The following PSMA1 variants were observed in gnomAD, a reference collection of about 807,000 sequenced individuals.
The protein encoded by PSMA1 is proteasome subunit alpha type-1.
A neutral mutation model predicts 38.4 loss-of-function variants in PSMA1; 3 were observed. The ratio of observed to expected loss-of-function variants is 0.08; its 90% CI spans 0.04 to 0.20. The LOEUF (loss-of-function observed/expected upper bound fraction) is 0.20, where lower values mean the gene tolerates loss of function less well. Among genes scored for constraint, PSMA1 ranks in the 10% least tolerant of loss-of-function variants. The pLI is 1.00. For missense variants in PSMA1, 227 were observed against 325.3 expected (o/e 0.70, Z 2.32); for synonymous variants, 101 against 107.1 (o/e 0.94, Z 0.35).
intron 2 of PSMA1, among the ~76,000 whole-genome samples, chr11:14,530,704 C>A (rs1219312944): frequency 1.3e-5 from 2 of 151,986 alleles, no homozygotes; most frequent in African/African-American, 4.8e-5. Context: ...GAGTTCGAGA[C>A]CAGCCTGACC....
At chr11:14,582,555 A>G (rs1215562403) in intron 2 of PSMA1, among the ~76,000 whole-genome samples, 2 of 152,108 alleles carry the variant, frequency 1.3e-5, no homozygotes, top group Non-Finnish European at 2.9e-5. Flanking sequence ...GTCTCACTCT[A>G]TCACCACGCT....
chr11:14,621,753 C>T (rs1852846427), intron 1 of PSMA1, among the ~76,000 whole-genome samples: 1 of 152,150 alleles, frequency 6.6e-6, no homozygotes, highest in Admixed American at 6.6e-5. Flanking sequence ...ATTGCAGACT[C>T]TTTCACTTTA....
rs368782604 is a variant in PSMA1 at position 14,514,097 on chromosome 11, C to T, written c.344-210G>A. ...AGAAAGAGTGCCAGCAAAATAATTT[C>T]TTCCCATCTAAAACCTGATTTGTTT... On this transcript the variant is annotated intron_variant, in intron 5 of 9. Coordinates refer to ENST00000396394, the MANE Select transcript of PSMA1 (RefSeq NM_002786.4). The T allele has an allele frequency of 5.3e-5, 70 of 1,319,892 alleles. No homozygotes were observed. The South Asian group carries it at 1.5e-3, about 28-fold the overall frequency. The allele number at this position is 1,319,892 out of a possible 1,614,324, so 81.8% of individuals were successfully genotyped here. A position where few individuals can be genotyped will look rare whatever the true frequency, so the allele number is the denominator to read the frequency against.
intron 2 of PSMA1, among the ~76,000 whole-genome samples, chr11:14,536,443 C>T (rs1165742556): frequency 6.6e-6 from 1 of 151,796 alleles, no homozygotes; most frequent in Non-Finnish European, 1.5e-5. Context: ...AAGAGAATCG[C>T]TTGAACCCGG....
intron 2 of PSMA1, among the ~76,000 whole-genome samples, chr11:14,568,548 G>A (rs902787537): frequency 1.3e-5 from 2 of 152,110 alleles, no homozygotes; most frequent in African/African-American, 4.8e-5. Flanking sequence ...CCTTAACTCA[G>A]GACTCTAAAC....
chr11:14,547,386 A>AT (rs1357885290), intron 2 of PSMA1, among the ~76,000 whole-genome samples: 1 of 152,188 alleles, frequency 6.6e-6, no homozygotes, highest in Non-Finnish European at 1.5e-5. Context: ...GTCATTAACA[A>AT]TTTTCTGGGC....
At chr11:14,576,394 A>G (rs532482041) in intron 2 of PSMA1, among the ~76,000 whole-genome samples, 1 of 152,298 alleles carries the variant, frequency 6.6e-6, no homozygotes, top group African/African-American at 2.4e-5. Context: ...GTTTTCTTCT[A>G]GGGTTTTTAT....
chr11:14,637,807 A>G (rs971576293), intron 1 of PSMA1, among the ~76,000 whole-genome samples: 3 of 152,208 alleles, frequency 2.0e-5, no homozygotes, highest in Non-Finnish European at 2.9e-5. Flanking sequence ...AAAGAGAGCT[A>G]TTTACTTGAT....
chr11:14,640,853 T>A (rs1853190090), intron 1 of PSMA1, among the ~76,000 whole-genome samples: 1 of 152,242 alleles, frequency 6.6e-6, no homozygotes, highest in African/African-American at 2.4e-5. Flanking sequence ...CTGGTTAATT[T>A]ACTGCCTATT....
intron 2 of PSMA1, among the ~76,000 whole-genome samples, chr11:14,572,195 A>G (rs1589996041): frequency 6.6e-6 from 1 of 152,190 alleles, no homozygotes; most frequent in East Asian, 1.9e-4. Flanking sequence ...CTCCACACCA[A>G]ATTAACAGAA....
At chr11:14,511,225 T>C (rs1305185695) in intron 7 of PSMA1, among the ~76,000 whole-genome samples, 1 of 152,218 alleles carries the variant, frequency 6.6e-6, no homozygotes, top group Non-Finnish European at 1.5e-5. Context: ...CTATAAATTA[T>C]ACAACTCCAA....
At chr11:14,537,542 C>A (rs1851722772) in intron 2 of PSMA1, among the ~76,000 whole-genome samples, 7 of 147,268 alleles carry the variant, frequency 4.8e-5, no homozygotes, top group Admixed American at 4.1e-4. Context: ...AACTTCCCTG[C>A]AGGGTTTTTT....
intron 1 of PSMA1, among the ~76,000 whole-genome samples, chr11:14,633,984 G>A (rs550482644): frequency 1.2e-4 from 19 of 152,290 alleles, no homozygotes; most frequent in South Asian, 4.1e-4. Flanking sequence ...GCAATGCCTC[G>A]CCCTGCTTCG....
intron 2 of PSMA1, among the ~76,000 whole-genome samples, chr11:14,533,553 C>A (rs943901123): frequency 1.3e-5 from 2 of 151,058 alleles, no homozygotes; most frequent in Non-Finnish European, 2.9e-5. Flanking sequence ...AGGCTTCAGA[C>A]TTCTAAGTTT....
At chr11:14,514,199 T>C (rs1472838993) in intron 5 of PSMA1, 1 of 1,346,490 alleles carries the variant, frequency 7.4e-7, no homozygotes, top group Non-Finnish European at 9.5e-7. Context: ...AAAAGATGCT[T>C]AGATGATTTT....
At chr11:14,567,643 G>A (rs1852087677) in intron 2 of PSMA1, among the ~76,000 whole-genome samples, 1 of 152,200 alleles carries the variant, frequency 6.6e-6, no homozygotes, top group African/African-American at 2.4e-5. Context: ...GCGCAGATCC[G>A]TGACAAATGT....
intron 2 of PSMA1, among the ~76,000 whole-genome samples, chr11:14,604,167 A>G (rs966592093): frequency 6.6e-6 from 1 of 152,128 alleles, no homozygotes; most frequent in African/African-American, 2.4e-5. Context: ...TCAAGTGATT[A>G]TCCTGCCTCA....
At chr11:14,570,074 C>A (rs1313572560) in intron 2 of PSMA1, among the ~76,000 whole-genome samples, 1 of 152,188 alleles carries the variant, frequency 6.6e-6, no homozygotes, top group Non-Finnish European at 1.5e-5. Flanking sequence ...CTGCCGCCTC[C>A]ACTGGTGATA....
intron 2 of PSMA1, among the ~76,000 whole-genome samples, chr11:14,567,899 T>A (rs1468990665): frequency 1.3e-5 from 2 of 152,208 alleles, no homozygotes; most frequent in Non-Finnish European, 2.9e-5. Context: ...CAAACGTGTG[T>A]TAGATAAGCT....
Sources: allele counts gnomAD v4.1 joint callset (sites outside exome capture counted in the v4.1 genomes callset), GRCh38; gene constraint gnomAD v4.1.1; transcripts MANE v1.5; gene names NCBI Gene and HGNC (gene_info 2026-07-23, HGNC 2026-07-21).